The following SLC36A1 variants were observed in gnomAD, a reference collection of about 807,000 sequenced individuals.
SLC36A1 encodes solute carrier family 36 member 1, also known as proton-coupled amino acid transporter 1.
SLC36A1 carries 30 observed loss-of-function variants against 47.5 expected under a neutral mutation model. That is an observed-to-expected ratio of 0.63 (90% CI 0.47 to 0.86). SLC36A1 has a LOEUF of 0.86. Ranked by LOEUF, SLC36A1 falls within the 40% of genes least tolerant of loss-of-function variation. The pLI is 0.00. For missense variants in SLC36A1, 517 were observed against 606.0 expected (o/e 0.85, Z 1.54); for synonymous variants, 255 against 249.7 (o/e 1.02, Z -0.20).
the SLC36A1 span, chr5:151,527,213 G>T: frequency 6.3e-7 from 1 of 1,588,566 alleles, no homozygotes; most frequent in South Asian, 1.1e-5. Context: ...GGCTCAGGGT[G>T]CCTTGGAGGC....
the SLC36A1 span, among the ~76,000 whole-genome samples, chr5:151,538,627 T>C: frequency 6.6e-6 from 1 of 152,164 alleles, no homozygotes; most frequent in East Asian, 1.9e-4. Context: ...CACTGTTGAG[T>C]GTGGGCAAGC....
the SLC36A1 span, among the ~76,000 whole-genome samples, chr5:151,379,523 G>A: frequency 3.3e-5 from 5 of 152,110 alleles, no homozygotes; most frequent in Non-Finnish European, 7.4e-5. Flanking sequence ...AGTAGAGATG[G>A]GGTTTTGCCA....
chr5:151,526,078 A>G, the SLC36A1 span: 119 of 1,007,468 alleles, frequency 1.2e-4, no homozygotes, highest in Non-Finnish European at 1.6e-4. Context: ...GACTGCTTGT[A>G]GATGGTGCCT....
chr5:151,507,456 C>T, the SLC36A1 span: 16 of 1,614,128 alleles, frequency 9.9e-6, no homozygotes, highest in South Asian at 9.9e-5. Flanking sequence ...AGACTTGCAA[C>T]GGCGGCAGTA....
intron 7 of SLC36A1, among the ~76,000 whole-genome samples, chr5:151,470,049 C>A (rs550913499): frequency 9.7e-4 from 147 of 152,258 alleles, no homozygotes; most frequent in Non-Finnish European, 1.6e-3. Context: ...GATATTGACT[C>A]TTCTGCAGAA....
the SLC36A1 span, among the ~76,000 whole-genome samples, chr5:151,384,473 A>C: frequency 6.6e-6 from 1 of 150,864 alleles, no homozygotes; most frequent in African/African-American, 2.5e-5. Context: ...AGGCAAACAT[A>C]TATGTTTCAT....
chr5:151,507,381 G>A, the SLC36A1 span: 2 of 1,614,192 alleles, frequency 1.2e-6, no homozygotes, highest in Middle Eastern at 1.6e-4. Context: ...GGCAGGCATG[G>A]CTTGGGTGTC....
At chr5:151,471,154 G>A (rs7729206) in intron 7 of SLC36A1, among the ~76,000 whole-genome samples, 36,624 of 152,024 alleles carry the variant, frequency 0.24, 4,825 homozygotes, top group East Asian at 0.48. Context: ...TATGTATAGC[G>A]AAATCAGTTT....
the SLC36A1 span, among the ~76,000 whole-genome samples, chr5:151,415,535 C>A: frequency 6.6e-6 from 1 of 152,170 alleles, no homozygotes; most frequent in Non-Finnish European, 1.5e-5. Flanking sequence ...ACTTCACCTC[C>A]TCAGAGAAGT....
chr5:151,373,224 G>C, the SLC36A1 span, among the ~76,000 whole-genome samples: 30 of 151,954 alleles, frequency 2.0e-4, no homozygotes, highest in Non-Finnish European at 3.8e-4. Flanking sequence ...TTTGAGTTCA[G>C]GAGTTTGAGG....
chr5:151,399,289 G>T, the SLC36A1 span, among the ~76,000 whole-genome samples: 1 of 151,556 alleles, frequency 6.6e-6, no homozygotes, highest in African/African-American at 2.4e-5. Context: ...GTTTCACCAC[G>T]TTGTCCAGGC....
intron 5 of SLC36A1, 108 bp downstream of exon 5, chr5:151,465,277 G>T: frequency 1.1e-6 from 1 of 886,014 alleles, no homozygotes; most frequent in South Asian, 1.4e-5. Context: ...GTGCTGTTTG[G>T]GTCAGTTGCC....
chr5:151,550,141 A>C, the SLC36A1 span, among the ~76,000 whole-genome samples: 1 of 152,184 alleles, frequency 6.6e-6, no homozygotes, highest in South Asian at 2.1e-4. Context: ...AAATTTAAAG[A>C]GGCTCTGACT....
At chr5:151,373,653 C>T in the SLC36A1 span, among the ~76,000 whole-genome samples, 1 of 152,130 alleles carries the variant, frequency 6.6e-6, no homozygotes, top group South Asian at 2.1e-4. Context: ...AATATTATTC[C>T]AGACAGAAAC....
At chr5:151,467,017 CTGTT>C (rs1217611976) in intron 5 of SLC36A1, among the ~76,000 whole-genome samples, 178 bp from the exon 6 acceptor site, 1 of 152,308 alleles carries the variant, frequency 6.6e-6, no homozygotes, top group Non-Finnish European at 1.5e-5. Flanking sequence ...ACAATGTACA[CTGTT>C]TGGGTGATGG....
At chr5:151,505,304 C>T in the SLC36A1 span, 173 of 537,152 alleles carry the variant, frequency 3.2e-4, no homozygotes, top group African/African-American at 3.2e-3. Flanking sequence ...GTCAATTGTT[C>T]CTGGTTTTCC....
Position 151,465,100 on chromosome 5 carries a change from G to T in SLC36A1, c.350G>T (p.Gly117Val). Residue 117 changes from glycine (G) to valine (V), a missense_variant, in exon 5 of 11, where the codon GGT becomes GTT. Coordinates refer to ENST00000243389, the MANE Select transcript of SLC36A1 (RefSeq NM_078483.4). ...CTGAATAAATCCTTTGTGGATTATGGTGATACTGTGATGTATGGACTAGAA... is the reference window on the plus strand; with the variant it reads ...CTGAATAAATCCTTTGTGGATTATGTTGATACTGTGATGTATGGACTAGAA... ...RRLNKSFVDY[G>V]DTVMYGLESS... 6.2e-7 allele frequency: 1 copy of T among 1,614,084 alleles called. No individual in the cohort carries two copies. The highest frequency in any genetic ancestry group is 8.5e-7 in the Non-Finnish European group (1 of 1,179,972).
At chr5:151,407,769 T>G in the SLC36A1 span, among the ~76,000 whole-genome samples, 1 of 152,142 alleles carries the variant, frequency 6.6e-6, no homozygotes, top group Non-Finnish European at 1.5e-5. Context: ...TTGGGGTCAA[T>G]GAGAGAATGA....
the SLC36A1 span, chr5:151,512,125 G>A: frequency 6.3e-7 from 1 of 1,579,272 alleles, no homozygotes. The surrounding 1 kb of genome is among the most constrained non-coding windows in gnomAD (Gnocchi z 4.1). Flanking sequence ...AGAGCCTTCT[G>A]GGATAAACCC....
Sources: gnomAD v4.1 joint callset for allele counts (sites outside exome capture counted in the v4.1 genomes callset) on GRCh38, gnomAD v4.1.1 for gene constraint, Gnocchi (gnomAD v3.1) non-coding constraint, MANE v1.5 for transcripts, NCBI Gene and HGNC (gene_info 2026-07-23, HGNC 2026-07-21) for gene names.